The following SEC22A variants were observed in gnomAD, a reference collection of about 807,000 sequenced individuals.
The protein encoded by SEC22A is SEC22 homolog A, vesicle trafficking protein, also known as vesicle-trafficking protein SEC22a.
In SEC22A, 22 loss-of-function variants were observed where a neutral mutation model predicts 35.3. The ratio of observed to expected loss-of-function variants is 0.62; its 90% CI spans 0.45 to 0.89. SEC22A has a LOEUF of 0.89. Ranked by LOEUF, SEC22A falls within the 40% of genes least tolerant of loss-of-function variation. SEC22A has a pLI of 0.00. For missense variants in SEC22A, 354 were observed against 362.5 expected (o/e 0.98, Z 0.19); for synonymous variants, 119 against 129.5 (o/e 0.92, Z 0.55).
chr3:123,219,093 A>G (rs900236997), intron 2 of SEC22A, among the ~76,000 whole-genome samples: 2 of 152,204 alleles, frequency 1.3e-5, no homozygotes, highest in African/African-American at 2.4e-5. Flanking sequence ...AAGGATATGT[A>G]GGAATTAGCC....
intron 4 of SEC22A, among the ~76,000 whole-genome samples, chr3:123,243,224 C>T (rs1559759439): frequency 8.0e-6 from 1 of 124,470 alleles, no homozygotes; most frequent in Non-Finnish European, 1.6e-5. Flanking sequence ...TTTAATGTCC[C>T]TAAACCTTTC....
intron 5 of SEC22A, among the ~76,000 whole-genome samples, chr3:123,249,857 G>C (rs1177862545): frequency 6.6e-6 from 1 of 152,060 alleles, no homozygotes; most frequent in Non-Finnish European, 1.5e-5. Flanking sequence ...AATTACAAAG[G>C]TTTCAGTAGC....
intron 4 of SEC22A, among the ~76,000 whole-genome samples, chr3:123,234,953 G>A (rs1937390101): frequency 6.6e-6 from 1 of 151,950 alleles, no homozygotes; most frequent in Non-Finnish European, 1.5e-5. Flanking sequence ...AGCCTAGGAG[G>A]CGGAGGTTAC....
intron 1 of SEC22A, among the ~76,000 whole-genome samples, chr3:123,203,697 T>C (rs1936798401): frequency 6.6e-6 from 1 of 152,190 alleles, no homozygotes; most frequent in Non-Finnish European, 1.5e-5. Context: ...AGCATAGTGA[T>C]GTAGAGATAC....
chr3:123,242,024 C>T (rs1169124943), intron 4 of SEC22A, among the ~76,000 whole-genome samples: 1 of 151,916 alleles, frequency 6.6e-6, no homozygotes, highest in Admixed American at 6.6e-5. Flanking sequence ...ACTTTAAGGT[C>T]AGATTTTTTT....
chr3:123,223,354 A>AT (rs951977111), intron 2 of SEC22A, among the ~76,000 whole-genome samples: 2 of 152,114 alleles, frequency 1.3e-5, no homozygotes, highest in Non-Finnish European at 2.9e-5. Flanking sequence ...AGTACATTCT[A>AT]TTTTTTGTCT....
intron 5 of SEC22A, among the ~76,000 whole-genome samples, chr3:123,246,479 T>G (rs1937567933): frequency 6.6e-6 from 1 of 152,212 alleles, no homozygotes; most frequent in Non-Finnish European, 1.5e-5. Flanking sequence ...TTATTCCACT[T>G]CTGTGTATTC....
At chr3:123,249,453 C>G (rs1937592958) in intron 5 of SEC22A, among the ~76,000 whole-genome samples, 1 of 152,064 alleles carries the variant, frequency 6.6e-6, no homozygotes, top group Non-Finnish European at 1.5e-5. Context: ...ATAAAAGATG[C>G]TCTTATTACC....
chr3:123,202,336 G>A (rs965650961), intron 1 of SEC22A, among the ~76,000 whole-genome samples: 1 of 152,216 alleles, frequency 6.6e-6, no homozygotes, highest in African/African-American at 2.4e-5. Context: ...CAGCATGGTG[G>A]TGGGGATTCC....
intron 4 of SEC22A, among the ~76,000 whole-genome samples, chr3:123,230,660 TTAAAG>T: frequency 8.0e-6 from 1 of 125,160 alleles, no homozygotes. Context: ...TGAAAAATTA[TTAAAG>T]TAAAATACCG....
intron 6 of SEC22A, among the ~76,000 whole-genome samples, chr3:123,269,215 G>GTGTGTGTGTATA (rs10642998): frequency 0.2 from 27,019 of 136,280 alleles, 3,321 homozygotes; most frequent in Non-Finnish European, 0.29. Context: ...GTGTGTGTGT[G>GTGTGTGTGTATA]TATATATTAC....
chr3:123,244,347 T>C (rs1937549817), intron 4 of SEC22A, among the ~76,000 whole-genome samples: 2 of 152,208 alleles, frequency 1.3e-5, no homozygotes, highest in Non-Finnish European at 2.9e-5. Context: ...CAACGCCAGC[T>C]GTCCTTCAGC....
At chr3:123,227,454 C>T (rs1261354593) in intron 4 of SEC22A, among the ~76,000 whole-genome samples, 5 of 148,498 alleles carry the variant, frequency 3.4e-5, no homozygotes, top group Non-Finnish European at 6.0e-5. Context: ...GGGGGCCTGT[C>T]AAGGGGTTGG....
intron 4 of SEC22A, among the ~76,000 whole-genome samples, chr3:123,229,875 A>AAATAATAATAAT (rs146856118): frequency 2.0e-5 from 3 of 150,858 alleles, no homozygotes; most frequent in Non-Finnish European, 4.4e-5. Context: ...AAAAAAAAAT[A>AAATAATAATAAT]AATAATAATA....
rs1042715159 is a variant in SEC22A, at chr3:123,273,141, A to G, written c.*1419A>G. ...AATTTGATATCATCCAGAAAAACAG[A>G]TCCCATTACATTGTAATTGTTGTTA... is the stretch of plus-strand genomic sequence containing the variant. On this transcript the variant is annotated 3_prime_UTR_variant, in exon 7 of 7. Transcript: ENST00000492595. The G allele has an allele frequency of 1.3e-5, 2 of 152,472 alleles. No homozygotes were observed. The highest frequency in any genetic ancestry group is 4.8e-5 in the African/African-American group (2 of 41,580). 9.4% of individuals were successfully genotyped at this position (152,472 alleles called of 1,614,324 possible). A position where few individuals can be genotyped will look rare whatever the true frequency, so the allele number is the denominator to read the frequency against.
intron 4 of SEC22A, among the ~76,000 whole-genome samples, chr3:123,241,614 T>A (rs1361460504): frequency 6.6e-6 from 1 of 152,302 alleles, no homozygotes; most frequent in Non-Finnish European, 1.5e-5. Flanking sequence ...CCTCCAACAC[T>A]GTAAGAGAAA....
intron 2 of SEC22A, 131 bp downstream of exon 2, chr3:123,209,530 TATACTA>T (rs1360973691): frequency 1.3e-5 from 9 of 684,744 alleles, no homozygotes; most frequent in Non-Finnish European, 2.1e-5. Context: ...GTTCTGAACT[TATACTA>T]AATAGTCATC....
intron 4 of SEC22A, among the ~76,000 whole-genome samples, chr3:123,241,725 C>T (rs1393911168): frequency 6.6e-6 from 1 of 152,150 alleles, no homozygotes; most frequent in African/African-American, 2.4e-5. Flanking sequence ...CACCTCTTAA[C>T]ATCGCCAGTT....
At chr3:123,220,637 G>A (rs1576487144) in intron 2 of SEC22A, among the ~76,000 whole-genome samples, 1 of 151,836 alleles carries the variant, frequency 6.6e-6, no homozygotes, top group South Asian at 2.1e-4. Context: ...GGAAAATGCT[G>A]TAGTTCACTA....
Sources: gnomAD v4.1 joint callset for allele counts (sites outside exome capture counted in the v4.1 genomes callset) on GRCh38, gnomAD v4.1.1 for gene constraint, MANE v1.5 for transcripts, NCBI Gene and HGNC (gene_info 2026-07-23, HGNC 2026-07-21) for gene names.